ANP32B: variants seen among roughly 807,000 people sequenced by gnomAD.
ANP32B encodes acidic leucine-rich nuclear phosphoprotein 32 family member B.
In ANP32B, 6 loss-of-function variants were observed where a neutral mutation model predicts 32.2. The observed-to-expected ratio is 0.19, with a 90% CI of 0.10 to 0.37. The LOEUF (loss-of-function observed/expected upper bound fraction) is 0.37, where lower values mean the gene tolerates loss of function less well. Ranked by LOEUF, ANP32B falls within the 10% of genes least tolerant of loss-of-function variation. ANP32B has a pLI of 1.00. For missense variants in ANP32B, 204 were observed against 289.2 expected (o/e 0.71, Z 2.14); for synonymous variants, 98 against 105.8 (o/e 0.93, Z 0.45).
chr9:98,001,260 C>T (rs552529041), intron 3 of ANP32B, among the ~76,000 whole-genome samples: 3 of 150,748 alleles, frequency 2.0e-5, no homozygotes, highest in Non-Finnish European at 2.9e-5. Flanking sequence ...GGCGCCATCT[C>T]GGCTCATTGC....
At position 98,008,649 on chromosome 9, in the gene ANP32B, A is replaced by T. The variant is rs1188061868; in HGVS notation, c.518-2622A>T. Among the ~76,000 whole-genome samples, 5 of 152,184 alleles carry T rather than the reference A, an allele frequency of 3.3e-5. No homozygotes were observed. The South Asian group carries it at 6.2e-4, about 19-fold the overall frequency. ...TTGTGAAGCAAAGTTTTCTGCAGTG[A>T]CAGCAACCAAAACAAGATTATGGAG... is the stretch of plus-strand genomic sequence containing the variant. On this transcript the variant is annotated intron_variant, in intron 4 of 6. Coordinates refer to ENST00000339399, the MANE Select transcript of ANP32B (RefSeq NM_006401.3).
chr9:97,984,641 C>T (rs1320941007), intron 1 of ANP32B: 3 of 150,790 alleles, frequency 2.0e-5, no homozygotes, highest in Non-Finnish European at 3.0e-5. Context: ...TGGCCTTGCC[C>T]GCCCGCCCTC....
intron 1 of ANP32B, among the ~76,000 whole-genome samples, chr9:97,988,679 A>G (rs1827776801): frequency 6.6e-6 from 1 of 152,174 alleles, no homozygotes; most frequent in African/African-American, 2.4e-5. Context: ...GAGCCAAGAT[A>G]ACACCACTTC....
In ANP32B at chr9:98,015,452, A is replaced by G; in HGVS notation, c.*21A>G. ...ATTAAGACCCCAGATGACCTGCAGA[A>G]ACAGAACTGTTCAGTATTGGTTGGA... On this transcript the variant is annotated 3_prime_UTR_variant, in exon 7 of 7. Coordinates refer to ENST00000339399, the MANE Select transcript of ANP32B (RefSeq NM_006401.3). 6.5e-7 allele frequency: 1 copy of G among 1,549,440 alleles called. No individual in the cohort carries two copies. The highest frequency in any genetic ancestry group is 8.7e-7 in the Non-Finnish European group (1 of 1,146,726).
intron 1 of ANP32B, among the ~76,000 whole-genome samples, chr9:97,989,162 C>T (rs1371208132): frequency 1.3e-5 from 2 of 152,124 alleles, no homozygotes; most frequent in African/African-American, 4.8e-5. Context: ...TAAAGAAGGA[C>T]CTCATAGGCA....
chr9:98,011,466 G>A lies in ANP32B; in HGVS notation c.636+77G>A. The A allele has an allele frequency of 4.0e-6, 6 of 1,517,048 alleles. No individual in the cohort carries two copies. The African/African-American group carries it at 4.2e-5, about 11-fold the overall frequency. The allele number at this position is 1,517,048 out of a possible 1,614,324, so 94.0% of individuals were successfully genotyped here. ...TGGGGGTTTCAAAAAGATGACAAAA[G>A]AAAAGAAAAAACACCTTTTGAAGAA... On this transcript the variant is annotated intron_variant, in intron 5 of 6. Coordinates refer to ENST00000339399, the MANE Select transcript of ANP32B (RefSeq NM_006401.3).
intron 1 of ANP32B, among the ~76,000 whole-genome samples, chr9:97,993,728 C>G (rs1827864684): frequency 1.3e-5 from 2 of 152,304 alleles, no homozygotes; most frequent in South Asian, 2.1e-4. Context: ...CTCCACCTCC[C>G]AGGTTCAAGC....
At chr9:97,989,557 C>T (rs1827790314) in intron 1 of ANP32B, among the ~76,000 whole-genome samples, 1 of 152,054 alleles carries the variant, frequency 6.6e-6, no homozygotes, top group Admixed American at 6.6e-5. Context: ...AAGTGCCTGC[C>T]TAACTTTCTT....
chr9:97,994,452 A>G (rs1465741636), intron 1 of ANP32B, among the ~76,000 whole-genome samples, 179 bp from the exon 2 acceptor site: 1 of 152,234 alleles, frequency 6.6e-6, no homozygotes, highest in Non-Finnish European at 1.5e-5. Flanking sequence ...ACCTGTCAGT[A>G]TATTGTTACT....
intron 2 of ANP32B, among the ~76,000 whole-genome samples, chr9:97,997,690 T>C (rs1299898784): frequency 6.6e-6 from 1 of 152,142 alleles, no homozygotes; most frequent in Non-Finnish European, 1.5e-5. Flanking sequence ...TATGTAAGGG[T>C]TAAAGTTACT....
At chr9:98,003,497 A>T (rs767136757) in intron 3 of ANP32B, among the ~76,000 whole-genome samples, 13 of 152,162 alleles carry the variant, frequency 8.5e-5, no homozygotes, top group Non-Finnish European at 1.6e-4. Context: ...GTTCCAATGG[A>T]GCTTATTTTA....
chr9:97,984,191 C>T (rs984525504), intron 1 of ANP32B, among the ~76,000 whole-genome samples: 4 of 150,466 alleles, frequency 2.7e-5, no homozygotes, highest in African/African-American at 9.7e-5. Context: ...GAGAAGCCCC[C>T]TCGGGCGCCT....
intron 4 of ANP32B, among the ~76,000 whole-genome samples, chr9:98,009,437 A>G (rs1828142764): frequency 6.6e-6 from 1 of 152,206 alleles, no homozygotes; most frequent in Admixed American, 6.5e-5. Flanking sequence ...CATGGAAGAC[A>G]GTTTTTCCAC....
rs770690723 is a variant in ANP32B, at chr9:98,004,996, C to T, written c.360C>T (p.Leu120=). ...KKLECLKSLD[L]FNCEVTNLND... ...TAGAATGTCTGAAAAGCCTGGACCT[C>T]TTTAACTGTGAGGTTACCAACCTGA... Residue 120 remains leucine (L), a synonymous_variant, in exon 4 of 7, where the codon CTC becomes CTT. Transcript: ENST00000339399. 5.0e-5 allele frequency: 81 copies of T among 1,613,218 alleles called. No homozygotes were observed. Among genetic ancestry groups the T allele is most frequent in the Non-Finnish European group, 6.4e-5 (75 of 1,179,804 alleles).
In ANP32B at chr9:98,015,540, G is replaced by A; in HGVS notation, c.*109G>A. 4.9e-6 allele frequency: 7 copies of A among 1,427,556 alleles called. No individual in the cohort carries two copies. The highest frequency in any genetic ancestry group is 5.5e-6 in the Non-Finnish European group (6 of 1,087,556). 88.4% of individuals were successfully genotyped at this position (1,427,556 alleles called of 1,614,324 possible). A position where few individuals can be genotyped will look rare whatever the true frequency, so the allele number is the denominator to read the frequency against. ...AAGGTAGCTGTGATACAAACCCCAG[G>A]ACACCCACCCACCCAAAGAGCCAAA... On this transcript the variant is annotated 3_prime_UTR_variant, in exon 7 of 7. Coordinates refer to ENST00000339399, the MANE Select transcript of ANP32B (RefSeq NM_006401.3).
intron 4 of ANP32B, among the ~76,000 whole-genome samples, chr9:98,007,490 A>G (rs1312527455): frequency 1.3e-5 from 2 of 152,224 alleles, no homozygotes; most frequent in Admixed American, 1.3e-4. Flanking sequence ...TTTTTGTGCA[A>G]TATATTTTCA....
intron 1 of ANP32B, among the ~76,000 whole-genome samples, chr9:97,987,988 A>G (rs1052867628): frequency 5.9e-5 from 9 of 152,222 alleles, no homozygotes; most frequent in African/African-American, 2.2e-4. Context: ...AAAAAATTGT[A>G]GGTATAGACA....
chr9:98,012,386 A>AT, intron 5 of ANP32B, 35 bp from the exon 6 acceptor site: 2 of 1,599,436 alleles, frequency 1.3e-6, no homozygotes, highest in Non-Finnish European at 1.7e-6. Context: ...ATTTGGCAGA[A>AT]TTAATTTAAT....
Position 97,983,600 on chromosome 9 carries a change from C to T in ANP32B, c.45C>T (p.Thr15=), listed in dbSNP as rs1444968788. The T allele has an allele frequency of 3.8e-6, 6 of 1,581,730 alleles. No individual in the cohort carries two copies. Among genetic ancestry groups the T allele is most frequent in the East Asian group, 2.4e-5 (1 of 42,506 alleles). Residue 15 remains threonine (T), a synonymous_variant, in exon 1 of 7, where the codon ACC becomes ACT. Coordinates refer to ENST00000339399, the MANE Select transcript of ANP32B (RefSeq NM_006401.3). ...TCCACCTGGAGCTGAGGAACCGGAC[C>T]CCGGCAGCTGTAAGCAGAGACCCCT... is the stretch of plus-strand genomic sequence containing the variant. ...RRIHLELRNR[T]PAAVRELVLD...
Sources: allele counts gnomAD v4.1 joint callset (sites outside exome capture counted in the v4.1 genomes callset), GRCh38; gene constraint gnomAD v4.1.1; transcripts MANE v1.5; gene names NCBI Gene and HGNC (gene_info 2026-07-23, HGNC 2026-07-21).